CHRM3: variants seen among roughly 807,000 people sequenced by gnomAD.
CHRM3 encodes the protein cholinergic receptor muscarinic 3.
Under a neutral mutation model 41.8 loss-of-function variants are expected in CHRM3, and 11 were observed. The ratio of observed to expected loss-of-function variants is 0.26; its 90% confidence interval spans 0.17 to 0.44. CHRM3 has a LOEUF of 0.44. Among genes scored for constraint, CHRM3 ranks in the 20% least tolerant of loss-of-function variants. The pLI is 1.00. For missense variants in CHRM3, 571 were observed against 745.4 expected, an observed-to-expected ratio of 0.77 and a Z score of 2.72; for synonymous variants, 297 against 301.4, an observed-to-expected ratio of 0.99 and a Z score of 0.15.
Position 239,615,782 on chromosome 1 carries a change from G to A in CHRM3, c.-312-16442G>A, listed in dbSNP as rs114896649. ...ATGTCACCCTTCTGTTCCATGACTC[G>A]GACCCAAAAGGAGGGCAGTCTTTAA... is the stretch of plus-strand genomic sequence containing the variant. On this transcript the variant is annotated intron_variant, in intron 3 of 6. Transcript: ENST00000676153. 1.6e-3 allele frequency among the ~76,000 whole-genome samples: 244 copies of A among 152,102 alleles called. 1 individual carries two copies. The highest frequency in any genetic ancestry group is 5.4e-3 in the African/African-American group (224 of 41,488).
At chr1:239,795,612 A>G (rs1669702942) in intron 5 of CHRM3, among the ~76,000 whole-genome samples, 1 of 152,206 alleles carries the variant, frequency 6.6e-6, no homozygotes, top group African/African-American at 2.4e-5. Context: ...ATAAAGATGA[A>G]ACCTTTTCTC....
intron 5 of CHRM3, among the ~76,000 whole-genome samples, chr1:239,739,606 T>C (rs1202014755): frequency 2.0e-5 from 3 of 152,116 alleles, no homozygotes; most frequent in African/African-American, 7.2e-5. Flanking sequence ...TGGGACATTG[T>C]ATTATTCTGA....
chr1:239,808,257 T>C (rs1670821733), intron 5 of CHRM3, among the ~76,000 whole-genome samples: 1 of 152,060 alleles, frequency 6.6e-6, no homozygotes, highest in African/African-American at 2.4e-5. Context: ...ATTGCAATAC[T>C]TTTTTTTGTT....
intron 4 of CHRM3, among the ~76,000 whole-genome samples, chr1:239,647,129 C>T (rs1055316402): frequency 1.3e-5 from 2 of 152,148 alleles, no homozygotes; most frequent in Non-Finnish European, 2.9e-5. Context: ...CAAACACCTC[C>T]TCTTAGGCTC....
chr1:239,735,178 G>A (rs1276707192), intron 5 of CHRM3, among the ~76,000 whole-genome samples: 1 of 152,154 alleles, frequency 6.6e-6, no homozygotes. Context: ...GGAGATCAGT[G>A]TGACTGAAGT....
At chr1:239,711,088 T>C (rs1661732628) in intron 5 of CHRM3, among the ~76,000 whole-genome samples, 1 of 152,166 alleles carries the variant, frequency 6.6e-6, no homozygotes, top group African/African-American at 2.4e-5. Flanking sequence ...CTCTGGGCCC[T>C]GGACATTGTA....
At chr1:239,552,696 G>T (rs1377830293) in intron 3 of CHRM3, among the ~76,000 whole-genome samples, 3 of 148,922 alleles carry the variant, frequency 2.0e-5, no homozygotes, top group African/African-American at 4.9e-5. Flanking sequence ...TCACTTAATT[G>T]CCCCGGCTGG....
intron 1 of CHRM3, among the ~76,000 whole-genome samples, chr1:239,426,351 G>A (rs1366230662): frequency 6.6e-6 from 1 of 151,192 alleles, no homozygotes; most frequent in Non-Finnish European, 1.5e-5. Flanking sequence ...TGGCAATGTT[G>A]GGAGTATTTT....
intron 1 of CHRM3, among the ~76,000 whole-genome samples, chr1:239,392,227 C>T (rs989146383): frequency 6.6e-6 from 1 of 152,150 alleles, no homozygotes; most frequent in African/African-American, 2.4e-5. Flanking sequence ...CCTGACAGTG[C>T]ATCATTTCCG....
At chr1:239,418,012 T>A (rs2103082170) in intron 1 of CHRM3, among the ~76,000 whole-genome samples, 1 of 152,324 alleles carries the variant, frequency 6.6e-6, no homozygotes, top group Middle Eastern at 3.4e-3. Flanking sequence ...TAGACTGTAG[T>A]GCCGGGTCTT....
intron 5 of CHRM3, among the ~76,000 whole-genome samples, chr1:239,774,853 A>G (rs886389010): frequency 6.6e-6 from 1 of 152,212 alleles, no homozygotes; most frequent in Non-Finnish European, 1.5e-5. Context: ...TCTAACAGCT[A>G]CTCTGGAATG....
At chr1:239,756,840 C>CATA (rs10633564) in intron 5 of CHRM3, among the ~76,000 whole-genome samples, 17,672 of 152,102 alleles carry the variant, frequency 0.12, 2,841 homozygotes, top group African/African-American at 0.36. Context: ...AATATTTTCA[C>CATA]ATAATTTTGC....
In CHRM3 at chr1:239,780,855, G is replaced by A. The variant is rs79750470; in HGVS notation, c.-146-46397G>A. On this transcript the variant is annotated intron_variant, in intron 5 of 6. Transcript: ENST00000676153. ...TGTGTGTGTGTATAGATGTCGAGTC[G>A]TTCCAGTTGTGGAAAAGCTATCTGT... Among the ~76,000 whole-genome samples, 229 of 151,850 alleles carry A rather than the reference G, an allele frequency of 1.5e-3. 1 individual carries two copies. Among genetic ancestry groups the A allele is most frequent in the East Asian group, 0.015 (77 of 5,178 alleles).
chr1:239,490,581 A>AT (rs1339599668), intron 1 of CHRM3, among the ~76,000 whole-genome samples: 6 of 151,976 alleles, frequency 3.9e-5, no homozygotes, highest in East Asian at 1.9e-4. Context: ...ATTACTATTT[A>AT]TCTTTTGAGA....
intron 6 of CHRM3, among the ~76,000 whole-genome samples, chr1:239,859,874 A>T (rs1033695502): frequency 3.4e-5 from 5 of 146,708 alleles, no homozygotes; most frequent in Non-Finnish European, 7.5e-5. Flanking sequence ...CAAAATAAGT[A>T]TAGTATTATT....
chr1:239,816,529 G>A (rs1043182226), intron 5 of CHRM3, among the ~76,000 whole-genome samples: 1 of 152,054 alleles, frequency 6.6e-6, no homozygotes, highest in African/African-American at 2.4e-5. Flanking sequence ...CAGACCTCCA[G>A]ATAACAAGCT....
At chr1:239,886,105 G>C (rs1678044558) in intron 6 of CHRM3, 1 of 152,184 alleles carries the variant, frequency 6.6e-6, no homozygotes, top group African/African-American at 2.4e-5. Flanking sequence ...AAAGGCACAT[G>C]GTGGTGATAT....
intron 4 of CHRM3, among the ~76,000 whole-genome samples, chr1:239,660,958 T>C (rs1673142798): frequency 6.6e-6 from 1 of 152,214 alleles, no homozygotes; most frequent in South Asian, 2.1e-4. Context: ...ATGTGTGCAT[T>C]ATTTCATTTA....
At chr1:239,492,090 T>C (rs914526473) in intron 1 of CHRM3, among the ~76,000 whole-genome samples, 5 of 152,308 alleles carry the variant, frequency 3.3e-5, no homozygotes, top group East Asian at 3.9e-4. Flanking sequence ...AGATGTCAAA[T>C]AACTTGTGGA....
Sources: allele counts gnomAD v4.1 joint callset (sites outside exome capture counted in the v4.1 genomes callset), GRCh38; gene constraint gnomAD v4.1.1; transcripts MANE v1.5; gene names NCBI Gene and HGNC (gene_info 2026-07-23, HGNC 2026-07-21).